Variants in LTBP1 observed in about 807,000 individuals in gnomAD.
The protein encoded by LTBP1 is latent-transforming growth factor beta-binding protein 1.
Under a neutral mutation model 207.6 loss-of-function variants are expected in LTBP1, and 129 were observed. The observed-to-expected ratio is 0.62, with a 90% CI of 0.54 to 0.72. The LOEUF (loss-of-function observed/expected upper bound fraction) is 0.72. Ranked by LOEUF, LTBP1 falls within the 30% of genes least tolerant of loss-of-function variation. The pLI is 0.00. For missense variants in LTBP1, 2,281 were observed against 2,217.2 expected, an observed-to-expected ratio of 1.03 and a Z score of -0.58; for synonymous variants, 963 against 833.7, an observed-to-expected ratio of 1.16 and a Z score of -2.67.
At chr2:33,259,493 G>A in intron 12 of LTBP1, 95 bp from the exon 13 acceptor site, 1 of 852,484 alleles carries the variant, frequency 1.2e-6, no homozygotes, top group Non-Finnish European at 1.8e-6. Flanking sequence ...TCCTTTTGCA[G>A]AGATAATGGA....
chr2:33,073,327 T>A (rs2077901502), intron 3 of LTBP1, among the ~76,000 whole-genome samples: 1 of 152,154 alleles, frequency 6.6e-6, no homozygotes, highest in Non-Finnish European at 1.5e-5. Flanking sequence ...TCAACAGATT[T>A]TTCTTTGACT....
chr2:33,204,295 G>C (rs2089645048), intron 7 of LTBP1, among the ~76,000 whole-genome samples: 1 of 150,390 alleles, frequency 6.6e-6, no homozygotes, highest in Non-Finnish European at 1.5e-5. Flanking sequence ...CACTGTATGA[G>C]ACTGTGCATT....
intron 31 of LTBP1, 73 bp downstream of exon 31, chr2:33,365,576 C>A: frequency 1.4e-6 from 2 of 1,440,090 alleles, no homozygotes; most frequent in Non-Finnish European, 1.9e-6. Flanking sequence ...TGTAGCCTGA[C>A]ATTTCTCTTC....
At chr2:33,206,508 A>G (rs1375090782) in intron 7 of LTBP1, among the ~76,000 whole-genome samples, 1 of 152,108 alleles carries the variant, frequency 6.6e-6, no homozygotes, top group African/African-American at 2.4e-5. Context: ...TGGGAGGCCG[A>G]GGCGGGCGGA....
chr2:33,009,258 G>C lies in LTBP1; in HGVS notation c.566-11651G>C, dbSNP rs145165008. Reference sequence around the variant, plus strand: ...AGCTAACAGGATTTGGAGCTGGATTGGATGTGTGTTATGATGAAAACAGAA... The same window carrying C: ...AGCTAACAGGATTTGGAGCTGGATTCGATGTGTGTTATGATGAAAACAGAA... On this transcript the variant is annotated intron_variant, in intron 2 of 33. Transcript: ENST00000404816. Among the ~76,000 whole-genome samples the C allele has an allele frequency of 3.6e-3, 552 of 152,280 alleles. 4 individuals carry two copies. Among genetic ancestry groups the C allele is most frequent in the African/African-American group, 0.013 (530 of 41,538 alleles).
chr2:33,122,930 C>T (rs2081227475), intron 4 of LTBP1, among the ~76,000 whole-genome samples: 1 of 152,130 alleles, frequency 6.6e-6, no homozygotes, highest in Non-Finnish European at 1.5e-5. Context: ...GGCAAGAGAC[C>T]TCAGCTAATA....
At chr2:33,374,399 A>G (rs1282765019) in intron 31 of LTBP1, among the ~76,000 whole-genome samples, 1 of 152,244 alleles carries the variant, frequency 6.6e-6, no homozygotes. Flanking sequence ...TACAATCACT[A>G]TGAAAGCATT....
intron 2 of LTBP1, among the ~76,000 whole-genome samples, chr2:32,955,283 A>G (rs1474498772): frequency 1.3e-5 from 2 of 152,254 alleles, no homozygotes; most frequent in African/African-American, 2.4e-5. Flanking sequence ...GATTTGAAGA[A>G]TGTATATACA....
At chr2:33,145,474 A>C (rs1171495956) in intron 5 of LTBP1, among the ~76,000 whole-genome samples, 1 of 152,248 alleles carries the variant, frequency 6.6e-6, no homozygotes, top group Non-Finnish European at 1.5e-5. Context: ...CAGTGAGGAA[A>C]GCAGACCACT....
chr2:33,336,389 C>G (rs2094553659), intron 24 of LTBP1, among the ~76,000 whole-genome samples: 1 of 152,198 alleles, frequency 6.6e-6, no homozygotes, highest in South Asian at 2.1e-4. Context: ...AGGCCCTGTT[C>G]CTCTGCCAGC....
At chr2:33,086,319 A>C (rs1254176676) in intron 3 of LTBP1, among the ~76,000 whole-genome samples, 1 of 152,242 alleles carries the variant, frequency 6.6e-6, no homozygotes, top group Non-Finnish European at 1.5e-5. Context: ...TAGAGTTGCA[A>C]GATGGGAATA....
chr2:33,390,991 A>ATT (rs147516125), intron 32 of LTBP1, among the ~76,000 whole-genome samples: 3 of 143,926 alleles, frequency 2.1e-5, no homozygotes, highest in Middle Eastern at 7.4e-3. Flanking sequence ...AAGAGCTTTT[A>ATT]TTTTTTTTTT....
intron 2 of LTBP1, among the ~76,000 whole-genome samples, chr2:32,994,426 C>G (rs1209512722): frequency 6.6e-6 from 1 of 151,696 alleles, no homozygotes; most frequent in East Asian, 1.9e-4. Flanking sequence ...ATTATACCAT[C>G]TGTTAACCTC....
chr2:33,174,834 G>A (rs1489001536), intron 5 of LTBP1, among the ~76,000 whole-genome samples: 8 of 151,970 alleles, frequency 5.3e-5, no homozygotes, highest in African/African-American at 1.9e-4. Context: ...AGAGAACAGA[G>A]CCCTCAGAAA....
chr2:33,295,537 G>T (rs1032648885), intron 20 of LTBP1, among the ~76,000 whole-genome samples: 3 of 151,728 alleles, frequency 2.0e-5, no homozygotes, highest in African/African-American at 7.3e-5. Flanking sequence ...GAGTCTCAAT[G>T]ATGATAATAA....
Position 33,262,746 on chromosome 2 carries a change from A to G in LTBP1, c.2443A>G (p.Lys815Glu), listed in dbSNP as rs758905123. 5.6e-6 allele frequency: 9 copies of G among 1,603,862 alleles called. No homozygotes were observed. In the South Asian group the frequency reaches 1.0e-4, roughly 18 times the overall value. Residue 815 changes from lysine (K) to glutamate (E), a missense_variant, in exon 14 of 34, where the codon AAA becomes GAA. Lys to Glu is a moderately conservative substitution (Grantham distance 56). This residue lies in a region of LTBP1 where 1,671 missense variants were observed against 1,634.8 expected (regional missense o/e 1.02). Transcript: ENST00000404816. ...EKEIPSLDQE[K>E]TKLEPGQPQL... Reference sequence around the variant, plus strand: ...GGAAATACCTTCATTGGATCAAGAGAAAACCAAACTTGAGCCTGGTCAACC... The same window carrying G: ...GGAAATACCTTCATTGGATCAAGAGGAAACCAAACTTGAGCCTGGTCAACC...
At chr2:33,257,581 T>C (rs2092899241) in intron 12 of LTBP1, 70 bp downstream of exon 12, 1 of 1,308,100 alleles carries the variant, frequency 7.6e-7, no homozygotes, top group Non-Finnish European at 1.1e-6. Context: ...TCCCTGTTTA[T>C]AACCCTCTAG....
chr2:33,000,174 TA>T (rs1317959388), intron 2 of LTBP1, among the ~76,000 whole-genome samples: 1 of 135,354 alleles, frequency 7.4e-6, no homozygotes, highest in South Asian at 2.6e-4. Flanking sequence ...TTGGAGAAAC[TA>T]AAAAGTACAG....
chr2:33,271,581 ATTTTT>A (rs1457511582), intron 15 of LTBP1, among the ~76,000 whole-genome samples: 2 of 152,102 alleles, frequency 1.3e-5, no homozygotes, highest in African/African-American at 4.8e-5. Flanking sequence ...TACAAGTTAT[ATTTTT>A]AAGGAAGACT....
Sources: allele counts gnomAD v4.1 joint callset (sites outside exome capture counted in the v4.1 genomes callset), GRCh38; gene constraint gnomAD v4.1.1; regional missense constraint gnomAD v4.1.1; transcripts MANE v1.5; gene names NCBI Gene and HGNC (gene_info 2026-07-23, HGNC 2026-07-21).